The following DLG2 variants were observed in gnomAD, a reference collection of about 807,000 sequenced individuals.
DLG2 encodes disks large homolog 2.
In DLG2, 45 loss-of-function variants were observed where a neutral mutation model predicts 132.5. The ratio of observed to expected loss-of-function variants is 0.34; its 90% CI spans 0.27 to 0.44. The LOEUF (loss-of-function observed/expected upper bound fraction) is 0.44, where lower values mean the gene tolerates loss of function less well. Among genes scored for constraint, DLG2 ranks in the 20% least tolerant of loss-of-function variants. The probability of loss-of-function intolerance (pLI) is 1.00; values close to 1 mark genes in which losing one functional copy is unlikely to be tolerated. For synonymous variants in DLG2, 424 were observed against 419.6 expected, an observed-to-expected ratio of 1.01 and a Z score of -0.13; for missense variants, 1,045 against 1,196.9, an observed-to-expected ratio of 0.87 and a Z score of 1.87.
intron 3 of DLG2, among the ~76,000 whole-genome samples, chr11:85,549,342 G>A (rs1027173128): frequency 1.1e-4 from 17 of 152,034 alleles, no homozygotes; most frequent in Non-Finnish European, 7.4e-5. Flanking sequence ...GAGATGAACC[G>A]GTTACCTCAG....
chr11:84,013,866 CAAAAAAAA>C (rs5793100), intron 11 of DLG2, among the ~76,000 whole-genome samples: 1 of 64,076 alleles, frequency 1.6e-5, no homozygotes, highest in African/African-American at 5.8e-5. Flanking sequence ...GACTGCGTCT[CAAAAAAAA>C]AAAAAAAAAA....
intron 3 of DLG2, among the ~76,000 whole-genome samples, chr11:85,310,205 A>T (rs2080225740): frequency 6.6e-6 from 1 of 152,220 alleles, no homozygotes; most frequent in Non-Finnish European, 1.5e-5. Flanking sequence ...CTTGAGGTAT[A>T]TATTCCTTGA....
intron 19 of DLG2, among the ~76,000 whole-genome samples, chr11:83,551,935 G>A (rs1472434507): frequency 1.3e-5 from 2 of 152,158 alleles, no homozygotes; most frequent in East Asian, 3.8e-4. Context: ...TTGATGTTTG[G>A]TTGGGAATAT....
chr11:83,872,611 T>C (rs1419731224), intron 16 of DLG2, among the ~76,000 whole-genome samples: 1 of 152,206 alleles, frequency 6.6e-6, no homozygotes, highest in Non-Finnish European at 1.5e-5. Flanking sequence ...TTATGTCAAC[T>C]ACAGAGTTCC....
At chr11:84,172,676 G>A (rs1318235473) in intron 8 of DLG2, among the ~76,000 whole-genome samples, 2 of 151,978 alleles carry the variant, frequency 1.3e-5, no homozygotes, top group Non-Finnish European at 2.9e-5. Context: ...CCAAGTAGCT[G>A]TGATTACAGG....
At chr11:85,112,884 A>G (rs974100745) in intron 5 of DLG2, among the ~76,000 whole-genome samples, 11 of 151,970 alleles carry the variant, frequency 7.2e-5, no homozygotes, top group African/African-American at 2.7e-4. Flanking sequence ...TCATCATCCA[A>G]TCTGATTTTA....
At chr11:84,551,253 T>C (rs955476579) in intron 6 of DLG2, among the ~76,000 whole-genome samples, 1 of 152,224 alleles carries the variant, frequency 6.6e-6, no homozygotes, top group Admixed American at 6.5e-5. Context: ...TTAAATATTC[T>C]CCAAATACAA....
At chr11:84,424,285 T>C (rs1359110690) in intron 7 of DLG2, among the ~76,000 whole-genome samples, 3 of 152,126 alleles carry the variant, frequency 2.0e-5, no homozygotes, top group African/African-American at 7.2e-5. Flanking sequence ...CATGCTGATA[T>C]TGTGGAGCAT....
chr11:84,738,603 G>A (rs1328980673), intron 6 of DLG2, among the ~76,000 whole-genome samples: 1 of 152,074 alleles, frequency 6.6e-6, no homozygotes, highest in Admixed American at 6.5e-5. Flanking sequence ...AATTGGAATG[G>A]CTAAAACTTG....
chr11:84,749,598 A>C (rs1457067170), intron 6 of DLG2, among the ~76,000 whole-genome samples: 1 of 152,180 alleles, frequency 6.6e-6, no homozygotes, highest in Non-Finnish European at 1.5e-5. Flanking sequence ...TGCAGGCTAC[A>C]CCATCTAGGC....
chr11:85,136,518 T>C (rs185328439), intron 5 of DLG2, among the ~76,000 whole-genome samples: 9 of 152,286 alleles, frequency 5.9e-5, no homozygotes, highest in Admixed American at 5.9e-4. Context: ...GTTGGGCCTG[T>C]GATTTTCACA....
At chr11:84,533,574 C>T (rs2099347872) in intron 7 of DLG2, among the ~76,000 whole-genome samples, 2 of 151,914 alleles carry the variant, frequency 1.3e-5, no homozygotes, top group Admixed American at 6.6e-5. Context: ...TTGAAATGTT[C>T]CAAAATTTGA....
chr11:85,547,467 G>A (rs980855590), intron 3 of DLG2, among the ~76,000 whole-genome samples: 6 of 152,122 alleles, frequency 3.9e-5, no homozygotes, highest in Non-Finnish European at 8.8e-5. Flanking sequence ...GTGTCTTGGC[G>A]TTGTTCTTCT....
chr11:84,580,538 C>T (rs2099513933), intron 6 of DLG2, among the ~76,000 whole-genome samples: 1 of 152,190 alleles, frequency 6.6e-6, no homozygotes, highest in Non-Finnish European at 1.5e-5. Flanking sequence ...TCCCAGTGAG[C>T]AGCCCATTCA....
At chr11:84,090,962 C>T (rs542974605) in intron 10 of DLG2, among the ~76,000 whole-genome samples, 16 of 152,002 alleles carry the variant, frequency 1.1e-4, no homozygotes, top group African/African-American at 3.4e-4. Flanking sequence ...TAAGGTTAAG[C>T]GAAGTTAAAC....
At chr11:85,268,615 G>T (rs2077354555) in intron 4 of DLG2, among the ~76,000 whole-genome samples, 1 of 152,204 alleles carries the variant, frequency 6.6e-6, no homozygotes, top group Admixed American at 6.5e-5. Context: ...CATGGGTAAA[G>T]CTCTAGGATG....
intron 18 of DLG2, among the ~76,000 whole-genome samples, chr11:83,697,901 T>C (rs2082206050): frequency 6.6e-6 from 1 of 152,192 alleles, no homozygotes; most frequent in South Asian, 2.1e-4. Flanking sequence ...TAAGAAGTGA[T>C]TCTAAAAGAC....
chr11:85,450,968 A>G (rs146772222), intron 3 of DLG2, among the ~76,000 whole-genome samples: 244 of 152,198 alleles, frequency 1.6e-3, no homozygotes, highest in African/African-American at 5.6e-3. Flanking sequence ...TCTCATCCTA[A>G]GAAATCTTGA....
chr11:85,463,668 G>A (rs894602020), intron 3 of DLG2, among the ~76,000 whole-genome samples: 1 of 152,108 alleles, frequency 6.6e-6, no homozygotes, highest in African/African-American at 2.4e-5. Flanking sequence ...CTACTTCAGA[G>A]GCTAAGGCGG....
Sources: gnomAD v4.1 joint callset for allele counts (sites outside exome capture counted in the v4.1 genomes callset) on GRCh38, gnomAD v4.1.1 for gene constraint, MANE v1.5 for transcripts, NCBI Gene and HGNC (gene_info 2026-07-23, HGNC 2026-07-21) for gene names.